MYL12A: variants seen among roughly 807,000 people sequenced by gnomAD.
MYL12A encodes the protein myosin light chain 12A, also known as myosin regulatory light chain 12A.
A neutral mutation model predicts 13.3 loss-of-function variants in MYL12A; 11 were observed. The observed-to-expected ratio is 0.83, with a 90% CI of 0.52 to 1.37. MYL12A has a LOEUF of 1.37. Among genes scored for constraint, MYL12A ranks in the 40% most tolerant of loss-of-function variants. The probability of loss-of-function intolerance (pLI) is 0.00; values close to 1 mark genes in which losing one functional copy is unlikely to be tolerated. For missense variants in MYL12A, 146 were observed against 212.3 expected (o/e 0.69, Z 1.94); for synonymous variants, 51 against 69.9 (o/e 0.73, Z 1.35).
Position 3,255,946 on chromosome 18 carries a change from C to T in MYL12A, c.*28C>T. 1.2e-6 allele frequency: 2 copies of T among 1,609,016 alleles called. No individual in the cohort carries two copies. The highest frequency in any genetic ancestry group is 1.7e-6 in the Non-Finnish European group (2 of 1,177,366). On this transcript the variant is annotated 3_prime_UTR_variant, in exon 4 of 4. Coordinates refer to ENST00000217652, the MANE Select transcript of MYL12A (RefSeq NM_006471.4). ...TAACTTCAAATTCCAGCCAAACGTTCCTTGTTGCCACTTTGGGTATTCTGA... is the reference window on the plus strand; with the variant it reads ...TAACTTCAAATTCCAGCCAAACGTTTCTTGTTGCCACTTTGGGTATTCTGA...
At chr18:3,252,535 A>G (rs2081496406) in intron 1 of MYL12A, 1 of 1,133,168 alleles carries the variant, frequency 8.8e-7, no homozygotes, top group Non-Finnish European at 1.2e-6. Flanking sequence ...AAACTTTTAA[A>G]ATTATTTTAA....
chr18:3,255,052 C>T lies in MYL12A; in HGVS notation c.344-694C>T, dbSNP rs189547498. 3.9e-5 allele frequency among the ~76,000 whole-genome samples: 6 copies of T among 152,302 alleles called. No individual in the cohort carries two copies. The East Asian group carries it at 1.2e-3, about 29-fold the overall frequency. On this transcript the variant is annotated intron_variant, in intron 3 of 3. Coordinates refer to ENST00000217652, the MANE Select transcript of MYL12A (RefSeq NM_006471.4). Reference sequence around the variant, plus strand: ...TTTATGAGAACCCTGGTATCAAATTCCCAAAGTAAAGAGCACACACCTTTC... The same window carrying T: ...TTTATGAGAACCCTGGTATCAAATTTCCAAAGTAAAGAGCACACACCTTTC...
At chr18:3,253,631 T>C in intron 2 of MYL12A, 1 of 685,524 alleles carries the variant, frequency 1.5e-6, no homozygotes, top group Non-Finnish European at 2.4e-6. Context: ...TGTGTGTGTG[T>C]GTGTGTATAA....
At chr18:3,253,867 A>C (rs201254375) in intron 2 of MYL12A, 22 bp from the exon 3 acceptor site, 2 of 1,586,448 alleles carry the variant, frequency 1.3e-6, no homozygotes, top group East Asian at 4.5e-5. Context: ...AATTAAAATT[A>C]TGACCCCTTT....
intron 3 of MYL12A, 136 bp from the exon 4 acceptor site, chr18:3,255,610 G>A: frequency 1.8e-6 from 2 of 1,136,448 alleles, no homozygotes; most frequent in Non-Finnish European, 1.2e-6. Flanking sequence ...TTTTAAGTAG[G>A]TGGACACCCT....
rs1339052757 is a variant in MYL12A, at chr18:3,256,181, G to T, written c.*263G>T. 2.8e-6 allele frequency: 1 copy of T among 353,010 alleles called. No homozygotes were observed. The highest frequency in any genetic ancestry group is 2.1e-5 in the African/African-American group (1 of 46,784). 21.9% of individuals were successfully genotyped at this position (353,010 alleles called of 1,614,324 possible). On this transcript the variant is annotated 3_prime_UTR_variant, in exon 4 of 4. Coordinates refer to ENST00000217652, the MANE Select transcript of MYL12A (RefSeq NM_006471.4). ...TATACAGAGTCAATATATTTTTTCA[G>T]AGAAAGTTATTCGCTCGATTTTTTC...
At position 3,253,220 on chromosome 18, in the gene MYL12A, C is replaced by G. The variant is rs545746575; in HGVS notation, c.-15-13C>G. 1 of 1,577,832 alleles carries G rather than the reference C, an allele frequency of 6.3e-7. No individual in the cohort carries two copies. Among genetic ancestry groups the G allele is most frequent in the South Asian group, 1.2e-5 (1 of 86,074 alleles). The stretch of plus-strand genomic sequence containing the variant: ...GTTGATTTGGTTTTTATTGTATTTC[C>G]TTTCCTAATTAGGACTTAACCACCA... On this transcript the variant is annotated splice_polypyrimidine_tract_variant and intron_variant, in intron 1 of 3. Transcript: ENST00000217652.
At chr18:3,253,771 A>AT in intron 2 of MYL12A, 118 bp from the exon 3 acceptor site, 1 of 1,148,956 alleles carries the variant, frequency 8.7e-7, no homozygotes, top group Non-Finnish European at 1.2e-6. Flanking sequence ...TTTCACTCTC[A>AT]TGAGTGCAAA....
chr18:3,255,870 C>T lies in MYL12A; in HGVS notation c.468C>T (p.Ile156=), dbSNP rs115100024. 4.3e-5 allele frequency: 69 copies of T among 1,613,860 alleles called. No individual in the cohort carries two copies. Among genetic ancestry groups the T allele is most frequent in the East Asian group, 1.3e-4 (6 of 44,880 alleles). The change falls in exon 4 of 4, where the codon ATC becomes ATT. Residue 156 remains isoleucine (I), a synonymous_variant. Transcript: ENST00000217652. ...ATAAAAAGGGGAATTTCAATTACAT[C>T]GAGTTCACACGCATCCTGAAACATG... ...PIDKKGNFNY[I]EFTRILKHGA... is the part of the protein sequence containing the mutation.
chr18:3,250,026 A>C (rs556425001), intron 1 of MYL12A: 9 of 148,036 alleles, frequency 6.1e-5, no homozygotes, highest in African/African-American at 2.0e-4. Context: ...CATTGACATG[A>C]AATCTTTTCA....
chr18:3,253,529 G>A (rs750817904), intron 2 of MYL12A, 101 bp downstream of exon 2: 115 of 1,376,974 alleles, frequency 8.4e-5, no homozygotes, highest in Admixed American at 1.5e-4. Flanking sequence ...TGTCTAATGA[G>A]TCTACTAAGG....
At chr18:3,251,521 G>C (rs1388079205) in intron 1 of MYL12A, among the ~76,000 whole-genome samples, 1 of 152,172 alleles carries the variant, frequency 6.6e-6, no homozygotes, top group African/African-American at 2.4e-5. Flanking sequence ...ACTGGTAAAC[G>C]TGTCACTCAT....
Position 3,255,742 on chromosome 18 carries a change from C to G in MYL12A, c.344-4C>G, listed in dbSNP as rs745597018. The G allele has an allele frequency of 6.2e-7, 1 of 1,610,638 alleles. No individual in the cohort carries two copies. Among genetic ancestry groups the G allele is most frequent in the Non-Finnish European group, 8.5e-7 (1 of 1,179,112 alleles). On this transcript the variant is annotated splice_polypyrimidine_tract_variant and splice_region_variant and intron_variant, in intron 3 of 3. Coordinates refer to ENST00000217652, the MANE Select transcript of MYL12A (RefSeq NM_006471.4). ...ATTCTGATCCCTTGTTCTTTATTCT[C>G]CAGGCACCATACAGGAAGATTACTT... is the stretch of plus-strand genomic sequence containing the variant.
intron 1 of MYL12A, among the ~76,000 whole-genome samples, chr18:3,250,696 A>G (rs1451659110): frequency 6.6e-6 from 1 of 152,194 alleles, no homozygotes; most frequent in Non-Finnish European, 1.5e-5. Context: ...TAACAGCCGA[A>G]TCTCTTCATT....
intron 1 of MYL12A, among the ~76,000 whole-genome samples, chr18:3,252,046 G>A (rs13380949): frequency 0.012 from 1,816 of 152,186 alleles, 41 homozygotes; most frequent in African/African-American, 0.042. Context: ...AAACACATCG[G>A]AAACACATTC....
At chr18:3,254,867 C>T (rs1251210173) in intron 3 of MYL12A, among the ~76,000 whole-genome samples, 13 of 152,204 alleles carry the variant, frequency 8.5e-5, no homozygotes, top group East Asian at 3.8e-4. Flanking sequence ...ATTAGTGGGA[C>T]GAGTTTAAAT....
At chr18:3,247,576 C>T (rs1486339964), upstream of MYL12A, 2 of 152,674 alleles carry the variant, frequency 1.3e-5, no homozygotes, top group African/African-American at 2.4e-5. Flanking sequence ...AGACTTAACA[C>T]TGCAACAACA....
chr18:3,250,791 A>G (rs1413765622), intron 1 of MYL12A, among the ~76,000 whole-genome samples: 3 of 152,138 alleles, frequency 2.0e-5, no homozygotes, highest in Non-Finnish European at 1.5e-5. Flanking sequence ...TTACTCAGAA[A>G]CATCTTTTCT....
chr18:3,251,140 C>T (rs894995509), intron 1 of MYL12A, among the ~76,000 whole-genome samples: 3 of 140,176 alleles, frequency 2.1e-5, no homozygotes, highest in African/African-American at 7.9e-5. Flanking sequence ...CAGTGCTGAC[C>T]CAAAAAAAAA....
Sources: allele counts gnomAD v4.1 joint callset (sites outside exome capture counted in the v4.1 genomes callset), GRCh38; gene constraint gnomAD v4.1.1; transcripts MANE v1.5; gene names NCBI Gene and HGNC (gene_info 2026-07-23, HGNC 2026-07-21).